The following NEK4 variants were observed in gnomAD, a reference collection of about 807,000 sequenced individuals.
NEK4 encodes serine/threonine-protein kinase Nek4.
Under a neutral mutation model 98.4 loss-of-function variants are expected in NEK4, and 86 were observed. The observed-to-expected ratio is 0.87, with a 90% CI of 0.73 to 1.05. NEK4 has a LOEUF of 1.05. NEK4 is among the 50% of genes least tolerant of loss of function. The pLI, the probability that NEK4 is intolerant of heterozygous loss-of-function variation, is 0.00. For synonymous variants in NEK4, 328 were observed against 342.2 expected, an observed-to-expected ratio of 0.96 and a Z score of 0.46; for missense variants, 898 against 950.3, an observed-to-expected ratio of 0.94 and a Z score of 0.72.
At chr3:52,735,188 T>G (rs2097374242) in intron 15 of NEK4, among the ~76,000 whole-genome samples, 1 of 152,204 alleles carries the variant, frequency 6.6e-6, no homozygotes, top group East Asian at 1.9e-4. Flanking sequence ...AAGTGTCAAA[T>G]GAGATAGATA....
intron 10 of NEK4, 52 bp downstream of exon 10, chr3:52,746,009 C>T (rs1292487454): frequency 6.4e-6 from 10 of 1,551,134 alleles, no homozygotes; most frequent in South Asian, 1.1e-5. Context: ...ATGCATGATA[C>T]ACCACGTCTG....
rs541244614 is a variant in NEK4 at position 52,712,799 on chromosome 3, T to C, written c.2434-930A>G. On this transcript the variant is annotated intron_variant, in intron 15 of 15. Coordinates refer to ENST00000233027, the MANE Select transcript of NEK4 (RefSeq NM_003157.6). ...CTGTCAGTGTGCTTTTCCGCTGGCA[T>C]GCTCCCCTCGATGTCCTCTCAATGT... Among the ~76,000 whole-genome samples, 5 of 152,320 alleles carry C rather than the reference T, an allele frequency of 3.3e-5. No individual in the cohort carries two copies. In the South Asian group the frequency reaches 6.2e-4, roughly 19 times the overall value.
intron 4 of NEK4, among the ~76,000 whole-genome samples, chr3:52,765,621 A>G (rs1007271187): frequency 1.3e-5 from 2 of 152,232 alleles, no homozygotes; most frequent in Non-Finnish European, 2.9e-5. Context: ...GCATCGGCAC[A>G]TCCTATGACT....
chr3:52,750,466 G>A (rs772963229), intron 7 of NEK4, among the ~76,000 whole-genome samples: 8 of 152,118 alleles, frequency 5.3e-5, no homozygotes, highest in Non-Finnish European at 1.0e-4. Context: ...GAGAATCATT[G>A]AACCCAGGAG....
At chr3:52,734,467 G>A (rs1240958652) in intron 15 of NEK4, among the ~76,000 whole-genome samples, 37 of 94,762 alleles carry the variant, frequency 3.9e-4, no homozygotes, top group East Asian at 7.5e-4. Context: ...AAAAAAAAAA[G>A]ATCGAGACCA....
intron 4 of NEK4, among the ~76,000 whole-genome samples, chr3:52,765,368 A>C (rs568317226): frequency 2.0e-5 from 3 of 152,060 alleles, no homozygotes; most frequent in African/African-American, 7.2e-5. Context: ...AAAAAAACAA[A>C]AAAAAAAACC....
intron 7 of NEK4, among the ~76,000 whole-genome samples, chr3:52,750,166 T>C (rs558216591): frequency 6.6e-6 from 1 of 152,348 alleles, no homozygotes; most frequent in Non-Finnish European, 1.5e-5. Flanking sequence ...ATAGCCGCAT[T>C]ATCCACATAT....
intron 15 of NEK4, among the ~76,000 whole-genome samples, chr3:52,725,196 T>C: frequency 6.6e-6 from 1 of 152,232 alleles, no homozygotes; most frequent in Non-Finnish European, 1.5e-5. Flanking sequence ...TAAAAACCAA[T>C]TTTTAGATCC....
chr3:52,726,880 G>A (rs1028051686), intron 15 of NEK4, among the ~76,000 whole-genome samples: 1 of 152,086 alleles, frequency 6.6e-6, no homozygotes, highest in African/African-American at 2.4e-5. Flanking sequence ...CTCCAGCCTG[G>A]GTGACAGAGC....
At chr3:52,764,784 AC>A (rs1698493386) in intron 4 of NEK4, among the ~76,000 whole-genome samples, 1 of 151,396 alleles carries the variant, frequency 6.6e-6, no homozygotes, top group South Asian at 2.1e-4. Context: ...ACATGCACAC[AC>A]ACACACACAC....
In NEK4 at chr3:52,746,045, A is replaced by G. The variant is rs763668663; in HGVS notation, c.1827+16T>C. 13 of 1,611,384 alleles carry G rather than the reference A, an allele frequency of 8.1e-6. No individual in the cohort carries two copies. Among genetic ancestry groups the G allele is most frequent in the Admixed American group, 5.0e-5 (3 of 59,620 alleles). On this transcript the variant is annotated intron_variant, in intron 10 of 15. Transcript: ENST00000233027. ...GTTATAAGGTTTTTAAAAATCCAGC[A>G]TATGTTCCCACAAACCTTTGATGAT... is the stretch of plus-strand genomic sequence containing the variant.
At chr3:52,718,271 G>C (rs2097356978) in intron 15 of NEK4, among the ~76,000 whole-genome samples, 1 of 150,414 alleles carries the variant, frequency 6.6e-6, no homozygotes, top group Non-Finnish European at 1.5e-5. Context: ...TCAGGAGTTT[G>C]AGACCAGCCT....
At chr3:52,719,156 G>A (rs1329405690) in intron 15 of NEK4, among the ~76,000 whole-genome samples, 1 of 152,210 alleles carries the variant, frequency 6.6e-6, no homozygotes, top group African/African-American at 2.4e-5. Context: ...GGAATAAAAA[G>A]TCACTTTATA....
At chr3:52,742,285 G>A (rs979794941) in intron 12 of NEK4, among the ~76,000 whole-genome samples, 3 of 150,558 alleles carry the variant, frequency 2.0e-5, no homozygotes, top group African/African-American at 7.3e-5. Flanking sequence ...TGTCCAGGCT[G>A]GCCACAAACT....
At chr3:52,743,014 G>C (rs780737358) in intron 12 of NEK4, among the ~76,000 whole-genome samples, 18 of 151,984 alleles carry the variant, frequency 1.2e-4, no homozygotes, top group Admixed American at 9.8e-4. Context: ...CAAACTCCTG[G>C]GCTAAAGCAA....
chr3:52,723,096 T>C (rs1380099683), intron 15 of NEK4, among the ~76,000 whole-genome samples: 1 of 151,844 alleles, frequency 6.6e-6, no homozygotes, highest in Non-Finnish European at 1.5e-5. Flanking sequence ...TTCCAGCCAC[T>C]TGAGAAGCTA....
At chr3:52,736,587 T>TA (rs546567809) in intron 15 of NEK4, among the ~76,000 whole-genome samples, 2,557 of 119,162 alleles carry the variant, frequency 0.021, 21 homozygotes, top group South Asian at 0.046. Flanking sequence ...CTCCGTCTCA[T>TA]AAAAAAAAAA....
intron 15 of NEK4, chr3:52,733,786 C>T: frequency 2.4e-6 from 1 of 424,994 alleles, no homozygotes; most frequent in Non-Finnish European, 4.7e-6. Context: ...ATTCATGTGG[C>T]AAGGTGAATC....
At chr3:52,727,175 T>C (rs2097365357) in intron 15 of NEK4, among the ~76,000 whole-genome samples, 1 of 152,052 alleles carries the variant, frequency 6.6e-6, no homozygotes, top group Non-Finnish European at 1.5e-5. Flanking sequence ...AGTTTCACCA[T>C]GTTGGTCAGG....
Sources: allele counts gnomAD v4.1 joint callset (sites outside exome capture counted in the v4.1 genomes callset), GRCh38; gene constraint gnomAD v4.1.1; transcripts MANE v1.5; gene names NCBI Gene and HGNC (gene_info 2026-07-23, HGNC 2026-07-21).